Variants in MTMR6 observed in about 807,000 individuals in gnomAD.
The protein encoded by MTMR6 is myotubularin related protein 6, also known as phosphatidylinositol-3,5-bisphosphate 3-phosphatase MTMR6.
Under a neutral mutation model 80.1 loss-of-function variants are expected in MTMR6, and 47 were observed. The observed-to-expected ratio is 0.59, with a 90% CI of 0.46 to 0.75. MTMR6 has a LOEUF of 0.75. Ranked by LOEUF, MTMR6 falls within the 30% of genes least tolerant of loss-of-function variation. The pLI is 0.00. For synonymous variants in MTMR6, 254 were observed against 253.0 expected, an observed-to-expected ratio of 1.00 and a Z score of -0.04; for missense variants, 629 against 730.9, an observed-to-expected ratio of 0.86 and a Z score of 1.61.
In MTMR6 at chr13:25,257,213, T is replaced by C. The variant is rs1301554414; in HGVS notation, c.1078A>G (p.Thr360Ala). ...ATCCTTACCATGAATCCTTTGATTG[T>C]CCTGTAGTAGGAATCCAATAAAAGA... is the stretch of plus-strand genomic sequence containing the variant. Reference protein sequence around the residue: ...GSLLLDSYYRTIKGFMVLIEK... With the variant: ...GSLLLDSYYRAIKGFMVLIEK... Residue 360 changes from threonine to alanine, a missense_variant, in exon 9 of 14, where the codon ACA becomes GCA. Thr to Ala is a moderately conservative substitution (Grantham distance 58). Transcript: ENST00000381801. 3.1e-6 allele frequency: 5 copies of C among 1,613,518 alleles called. No homozygotes were observed. The highest frequency in any genetic ancestry group is 1.3e-5 in the African/African-American group (1 of 74,896).
At chr13:25,278,606 G>A (rs1018138119) in intron 1 of MTMR6, among the ~76,000 whole-genome samples, 4 of 149,368 alleles carry the variant, frequency 2.7e-5, no homozygotes, top group South Asian at 2.1e-4. Flanking sequence ...CCAGCTACTC[G>A]GGAGGCTGAG....
At chr13:25,270,994 A>G (rs1350255221) in intron 2 of MTMR6, among the ~76,000 whole-genome samples, 1 of 152,154 alleles carries the variant, frequency 6.6e-6, no homozygotes, top group Admixed American at 6.6e-5. Flanking sequence ...CTTTCATCTA[A>G]GACTCACAAA....
chr13:25,259,055 G>C (rs1957278909), intron 6 of MTMR6, among the ~76,000 whole-genome samples: 1 of 152,100 alleles, frequency 6.6e-6, no homozygotes, highest in South Asian at 2.1e-4. Context: ...GCTGGCTGGG[G>C]GACTTTCCTT....
chr13:25,257,445 G>T, intron 8 of MTMR6, 124 bp from the exon 9 acceptor site: 1 of 1,137,114 alleles, frequency 8.8e-7, no homozygotes, highest in Non-Finnish European at 1.2e-6. Context: ...TAATGTCACA[G>T]CATAATTTCC....
intron 13 of MTMR6, 74 bp from the exon 14 acceptor site, chr13:25,249,566 GC>G: frequency 4.1e-6 from 6 of 1,446,860 alleles, no homozygotes; most frequent in Non-Finnish European, 3.7e-6. Flanking sequence ...AAGAAAACAT[GC>G]TTTTGCAAAA....
intron 6 of MTMR6, chr13:25,260,759 A>T (rs1957315881): frequency 4.5e-6 from 3 of 673,444 alleles, no homozygotes; most frequent in Non-Finnish European, 6.1e-6. Context: ...TCAGGATCCT[A>T]TATGAACTGG....
chr13:25,250,243 T>C (rs1435856719), intron 13 of MTMR6, among the ~76,000 whole-genome samples: 3 of 152,144 alleles, frequency 2.0e-5, no homozygotes, highest in Non-Finnish European at 4.4e-5. Context: ...TTATATAGGA[T>C]GGCAGAAAAA....
intron 1 of MTMR6, among the ~76,000 whole-genome samples, chr13:25,279,769 T>C (rs754610436): frequency 3.9e-5 from 6 of 152,004 alleles, no homozygotes; most frequent in Non-Finnish European, 8.8e-5. Context: ...CTAATGGGAA[T>C]AGGGAAAATA....
chr13:25,249,326 G>C lies in MTMR6; in HGVS notation c.1772C>G (p.Ala591Gly). Residue 591 changes from alanine (A) to glycine (G), a missense_variant, in exon 14 of 14, where the codon GCA becomes GGA. Coordinates refer to ENST00000381801, the MANE Select transcript of MTMR6 (RefSeq NM_004685.5). ...ALRTIEGSSP[A>G]DNRYSEYAEE... The stretch of plus-strand genomic sequence containing the variant: ...TGCATATTCACTATAACGATTATCT[G>C]CCGGGCTGCTGCCCTCTATAGTTCG... 1 of 1,614,080 alleles carries C rather than the reference G, an allele frequency of 6.2e-7. No individual in the cohort carries two copies. The highest frequency in any genetic ancestry group is 2.2e-5 in the East Asian group (1 of 44,862).
At chr13:25,272,030 C>T (rs1957590288) in intron 2 of MTMR6, among the ~76,000 whole-genome samples, 1 of 152,156 alleles carries the variant, frequency 6.6e-6, no homozygotes, top group Admixed American at 6.5e-5. Flanking sequence ...GCCTCACATA[C>T]ATGGAAGATG....
Position 25,267,790 on chromosome 13 carries a change from A to G in MTMR6, c.293T>C (p.Leu98Pro), listed in dbSNP as rs1471838382. 2 of 1,613,200 alleles carry G rather than the reference A, an allele frequency of 1.2e-6. No individual in the cohort carries two copies. The highest frequency in any genetic ancestry group is 1.7e-6 in the Non-Finnish European group (2 of 1,179,532). Reference sequence around the variant, plus strand: ...TCTAAGAACAATACCTTGTTTTGACAGTTGTAGCAAAGAGTTGTAAATATC... The same window carrying G: ...TCTAAGAACAATACCTTGTTTTGACGGTTGTAGCAAAGAGTTGTAAATATC... ...CHDIYNSLLQ[L>P]SKQAKYEDLY... Residue 98 changes from leucine (L) to proline (P), a missense_variant, in exon 3 of 14, where the codon CTG (leucine) becomes CCG (proline). Leu to Pro is a moderately conservative substitution (Grantham distance 98). Coordinates refer to ENST00000381801, the MANE Select transcript of MTMR6 (RefSeq NM_004685.5).
intron 5 of MTMR6, 72 bp downstream of exon 5, chr13:25,265,747 G>T: frequency 3.7e-6 from 5 of 1,358,718 alleles, no homozygotes; most frequent in Non-Finnish European, 3.0e-6. Flanking sequence ...AAAAAAAAAA[G>T]TGTTATTTTA....
chr13:25,255,975 G>A (rs536187957), intron 9 of MTMR6, among the ~76,000 whole-genome samples: 1 of 152,192 alleles, frequency 6.6e-6, no homozygotes, highest in South Asian at 2.1e-4. Context: ...CACTCCCTTT[G>A]GCCTTCAAGA....
intron 1 of MTMR6, among the ~76,000 whole-genome samples, chr13:25,275,897 G>A (rs1290438656): frequency 8.5e-6 from 1 of 118,226 alleles, no homozygotes; most frequent in Non-Finnish European, 1.8e-5. Context: ...GGAGGGGAGA[G>A]GAGGGGAGGG....
intron 9 of MTMR6, among the ~76,000 whole-genome samples, chr13:25,256,671 A>G (rs1593143886): frequency 6.6e-6 from 1 of 152,232 alleles, no homozygotes; most frequent in African/African-American, 2.4e-5. Context: ...TTCACAAAGG[A>G]GAAAATCTAT....
intron 11 of MTMR6, among the ~76,000 whole-genome samples, chr13:25,253,228 A>G (rs764179952): frequency 6.6e-6 from 1 of 152,196 alleles, no homozygotes; most frequent in African/African-American, 2.4e-5. Flanking sequence ...TGCAGCCAAC[A>G]TAGCTAGATT....
At chr13:25,249,645 T>A (rs903646107) in intron 13 of MTMR6, among the ~76,000 whole-genome samples, 153 bp from the exon 14 acceptor site, 1 of 152,240 alleles carries the variant, frequency 6.6e-6, no homozygotes, top group African/African-American at 2.4e-5. Flanking sequence ...GCATATGACA[T>A]GGTTGAAAAT....
chr13:25,255,463 T>C (rs1359734299), intron 9 of MTMR6, among the ~76,000 whole-genome samples: 1 of 152,190 alleles, frequency 6.6e-6, no homozygotes, highest in African/African-American at 2.4e-5. Flanking sequence ...TTGGAAATCA[T>C]CCCAGAGGAA....
At chr13:25,282,636 C>T (rs7991003) in intron 1 of MTMR6, among the ~76,000 whole-genome samples, 126,527 of 147,790 alleles carry the variant, frequency 0.86, 54,908 homozygotes, top group East Asian at 0.98. Flanking sequence ...AGACAGAGTG[C>T]TGCTCTGTGA....
Sources: allele counts gnomAD v4.1 joint callset (sites outside exome capture counted in the v4.1 genomes callset), GRCh38; gene constraint gnomAD v4.1.1; transcripts MANE v1.5; gene names NCBI Gene and HGNC (gene_info 2026-07-23, HGNC 2026-07-21).